The following VAT1L variants were observed in gnomAD, a reference collection of about 807,000 sequenced individuals.
VAT1L encodes the protein putative NADPH-dependent quinone oxidoreductase VAT1L.
Under a neutral mutation model 44.1 loss-of-function variants are expected in VAT1L, and 34 were observed. The observed-to-expected ratio is 0.77, with a 90% confidence interval of 0.59 to 1.03. The LOEUF is 1.03. Ranked by LOEUF, VAT1L falls within the 50% of genes least tolerant of loss-of-function variation. The probability of loss-of-function intolerance (pLI) is 0.00; values close to 1 mark genes in which losing one functional copy is unlikely to be tolerated. For synonymous variants in VAT1L, 253 were observed against 202.2 expected, an observed-to-expected ratio of 1.25 and a Z score of -2.13; for missense variants, 615 against 538.8, an observed-to-expected ratio of 1.14 and a Z score of -1.40.
rs191925888 is a variant in VAT1L, at chr16:77,914,069, C to T, written c.1077+29267C>T. 8.3e-4 allele frequency among the ~76,000 whole-genome samples: 126 copies of T among 152,266 alleles called. 1 individual carries two copies. Among genetic ancestry groups the T allele is most frequent in the Non-Finnish European group, 1.4e-3 (98 of 68,022 alleles). On this transcript the variant is annotated intron_variant, in intron 7 of 8. Coordinates refer to ENST00000302536, the MANE Select transcript of VAT1L (RefSeq NM_020927.3). ...TATTCAGAGAGCTTTTACTGCAGCC[C>T]AGAATCACATTAGACAATCTGAATT...
chr16:77,884,000 G>A (rs143735100), intron 6 of VAT1L, among the ~76,000 whole-genome samples: 1 of 152,112 alleles, frequency 6.6e-6, no homozygotes, highest in East Asian at 1.9e-4. Flanking sequence ...GTAGAGCCAC[G>A]ATTCAAGTCC....
At chr16:77,830,964 G>A (rs1372621448) in intron 3 of VAT1L, among the ~76,000 whole-genome samples, 4 of 152,234 alleles carry the variant, frequency 2.6e-5, no homozygotes, top group Admixed American at 6.5e-5. Context: ...GATTACAGGC[G>A]TGAGCCACCG....
intron 7 of VAT1L, among the ~76,000 whole-genome samples, chr16:77,921,435 T>C (rs1418412501): frequency 6.6e-6 from 1 of 152,160 alleles, no homozygotes; most frequent in Non-Finnish European, 1.5e-5. Context: ...AAGAAATACA[T>C]CCAGTGGGAG....
intron 7 of VAT1L, among the ~76,000 whole-genome samples, chr16:77,919,711 G>A (rs1027509259): frequency 1.3e-5 from 2 of 152,310 alleles, no homozygotes; most frequent in East Asian, 1.9e-4. Flanking sequence ...AGTTTGCAGA[G>A]CAAGAATTCA....
chr16:77,924,264 G>C (rs1279577065), intron 7 of VAT1L, among the ~76,000 whole-genome samples: 1 of 152,068 alleles, frequency 6.6e-6, no homozygotes, highest in Non-Finnish European at 1.5e-5. Context: ...CATGACTGCA[G>C]GCAGGATCTC....
intron 4 of VAT1L, among the ~76,000 whole-genome samples, 163 bp downstream of exon 4, chr16:77,863,053 T>A (rs117732088): frequency 0.02 from 3,116 of 152,346 alleles, 64 homozygotes; most frequent in Middle Eastern, 0.085. Flanking sequence ...CATTAGTTCA[T>A]TTAATCCTCT....
intron 2 of VAT1L, among the ~76,000 whole-genome samples, chr16:77,824,191 G>T (rs2016492081): frequency 6.6e-6 from 1 of 152,126 alleles, no homozygotes; most frequent in Admixed American, 6.6e-5. Flanking sequence ...ATGAAGGAGG[G>T]CTCTGCATTG....
intron 3 of VAT1L, among the ~76,000 whole-genome samples, chr16:77,860,757 G>A (rs1443864064): frequency 6.6e-6 from 1 of 152,180 alleles, no homozygotes; most frequent in Non-Finnish European, 1.5e-5. Context: ...AATTAAACAA[G>A]TATCAATGCT....
At chr16:77,828,979 C>G (rs1008990736) in intron 3 of VAT1L, among the ~76,000 whole-genome samples, 1 of 152,122 alleles carries the variant, frequency 6.6e-6, no homozygotes, top group Admixed American at 6.5e-5. Context: ...TATGGGAAAC[C>G]GATACTACCA....
intron 7 of VAT1L, among the ~76,000 whole-genome samples, chr16:77,925,536 T>A (rs577960157): frequency 6.6e-6 from 1 of 152,184 alleles, no homozygotes; most frequent in Non-Finnish European, 1.5e-5. Flanking sequence ...AGAGTCAATA[T>A]AAGAACAAAA....
intron 4 of VAT1L, among the ~76,000 whole-genome samples, chr16:77,870,075 G>C (rs1567493092): frequency 6.6e-6 from 1 of 152,202 alleles, no homozygotes; most frequent in African/African-American, 2.4e-5. Context: ...GTACATATGG[G>C]AACTACTAAT....
At chr16:77,962,456 C>G (rs1404288753) in intron 7 of VAT1L, among the ~76,000 whole-genome samples, 1 of 152,042 alleles carries the variant, frequency 6.6e-6, no homozygotes, top group Non-Finnish European at 1.5e-5. Context: ...GGGTAGGCCC[C>G]TCTAAGTGGG....
At chr16:77,843,872 G>A (rs546626435) in intron 3 of VAT1L, among the ~76,000 whole-genome samples, 1 of 152,234 alleles carries the variant, frequency 6.6e-6, no homozygotes, top group Non-Finnish European at 1.5e-5. Context: ...TTGTGGAGGA[G>A]GACCAGCAGA....
intron 4 of VAT1L, among the ~76,000 whole-genome samples, chr16:77,873,212 T>TA (rs1465055929): frequency 6.6e-6 from 1 of 152,228 alleles, no homozygotes; most frequent in African/African-American, 2.4e-5. Context: ...TCTCTGGAGT[T>TA]AAACTAGACC....
At chr16:77,836,407 G>A (rs1024038429) in intron 3 of VAT1L, among the ~76,000 whole-genome samples, 1 of 152,090 alleles carries the variant, frequency 6.6e-6, no homozygotes, top group African/African-American at 2.4e-5. Flanking sequence ...GAACTAAATG[G>A]CTTTATCATG....
chr16:77,963,820 C>T (rs990567027), intron 7 of VAT1L, among the ~76,000 whole-genome samples: 2 of 152,148 alleles, frequency 1.3e-5, no homozygotes, highest in Non-Finnish European at 2.9e-5. Context: ...ATTTTCACTT[C>T]TCTGTGATAC....
At chr16:77,905,470 A>C (rs2017428122) in intron 7 of VAT1L, among the ~76,000 whole-genome samples, 1 of 152,148 alleles carries the variant, frequency 6.6e-6, no homozygotes, top group African/African-American at 2.4e-5. Flanking sequence ...GCAAACATAG[A>C]GTAGCCTCGC....
chr16:77,919,315 G>GT (rs1163475478), intron 7 of VAT1L, among the ~76,000 whole-genome samples: 1 of 152,186 alleles, frequency 6.6e-6, no homozygotes, highest in Non-Finnish European at 1.5e-5. Context: ...CCAGGATGCT[G>GT]TTTTGATTGG....
intron 1 of VAT1L, among the ~76,000 whole-genome samples, chr16:77,803,202 A>C (rs11866401): frequency 0.5 from 76,173 of 151,942 alleles, 21,002 homozygotes; most frequent in South Asian, 0.7. Context: ...CTTAGGATCC[A>C]TTAGACTTAA....
Sources: gnomAD v4.1 joint callset for allele counts (sites outside exome capture counted in the v4.1 genomes callset) on GRCh38, gnomAD v4.1.1 for gene constraint, MANE v1.5 for transcripts, NCBI Gene and HGNC (gene_info 2026-07-23, HGNC 2026-07-21) for gene names.